The following DENND5A variants were observed in gnomAD, a reference collection of about 807,000 sequenced individuals.
DENND5A encodes DENN domain containing 5A, also known as DENN domain-containing protein 5A.
Under a neutral mutation model 140.3 loss-of-function variants are expected in DENND5A, and 64 were observed. The observed-to-expected ratio is 0.46, with a 90% confidence interval of 0.37 to 0.56. The LOEUF (loss-of-function observed/expected upper bound fraction) is 0.56. Ranked by LOEUF, DENND5A falls within the 20% of genes least tolerant of loss-of-function variation. The probability of loss-of-function intolerance (pLI) is 0.00; values close to 1 mark genes in which losing one functional copy is unlikely to be tolerated. For missense variants in DENND5A, 1,292 were observed against 1,593.8 expected (o/e 0.81, Z 3.22); for synonymous variants, 605 against 607.7 (o/e 1.00, Z 0.07).
intron 19 of DENND5A, 61 bp downstream of exon 19, chr11:9,144,036 C>G (rs1847335225): frequency 3.2e-6 from 5 of 1,543,700 alleles, no homozygotes; most frequent in East Asian, 2.3e-5. Flanking sequence ...TCAGGGCTCA[C>G]AGAGATCCAC....
At chr11:9,143,585 A>G (rs1847321880) in intron 19 of DENND5A, 100 bp from the exon 20 acceptor site, 3 of 972,844 alleles carry the variant, frequency 3.1e-6, no homozygotes, top group South Asian at 1.3e-5. Context: ...CCCATAGGAG[A>G]GGCAGGGCAG....
rs541636657 is a variant in DENND5A at position 9,264,919 on chromosome 11, C to T, written c.109+42G>A. 938 of 1,483,886 alleles carry T rather than the reference C, an allele frequency of 6.3e-4. 2 individuals are homozygous for T. Among genetic ancestry groups the T allele is most frequent in the South Asian group, 1.2e-3 (96 of 82,918 alleles). 91.9% of individuals were successfully genotyped at this position (1,483,886 alleles called of 1,614,324 possible). A position where few individuals can be genotyped will look rare whatever the true frequency, so the allele number is the denominator to read the frequency against. On this transcript the variant is annotated intron_variant, in intron 1 of 22. Transcript: ENST00000328194. ...AGGTTTCTTCTGGGGTCCCCGACGA[C>T]AGCGGGCGCGGGAAAGCGCCCCGGG...
At chr11:9,263,269 CA>C (rs1403169835) in intron 1 of DENND5A, among the ~76,000 whole-genome samples, 38 of 151,738 alleles carry the variant, frequency 2.5e-4, no homozygotes, top group Non-Finnish European at 4.6e-4. Context: ...GTGGCGCAAT[CA>C]CCCAGACTGG....
At chr11:9,181,638 TG>T (rs778733282) in intron 5 of DENND5A, among the ~76,000 whole-genome samples, 1 of 152,046 alleles carries the variant, frequency 6.6e-6, no homozygotes, top group Non-Finnish European at 1.5e-5. Context: ...CTTGAGAGGC[TG>T]AGGTAGGAGG....
At chr11:9,208,755 C>A (rs1849773605) in intron 1 of DENND5A, among the ~76,000 whole-genome samples, 1 of 152,214 alleles carries the variant, frequency 6.6e-6, no homozygotes, top group Non-Finnish European at 1.5e-5. Flanking sequence ...ATCCTTCTTC[C>A]AAACAAATTC....
intron 1 of DENND5A, among the ~76,000 whole-genome samples, chr11:9,211,045 G>C (rs992991978): frequency 4.6e-5 from 7 of 152,274 alleles, no homozygotes; most frequent in Admixed American, 2.6e-4. Flanking sequence ...TTCTCAAGTA[G>C]GGAAGAAGGT....
chr11:9,225,383 C>G (rs529504056), intron 1 of DENND5A, among the ~76,000 whole-genome samples: 3 of 152,176 alleles, frequency 2.0e-5, no homozygotes, highest in Non-Finnish European at 4.4e-5. Flanking sequence ...CAGTATTCCC[C>G]GTTCTATCCA....
At chr11:9,251,332 GA>G (rs1851711686) in intron 1 of DENND5A, among the ~76,000 whole-genome samples, 1 of 151,808 alleles carries the variant, frequency 6.6e-6, no homozygotes, top group African/African-American at 2.4e-5. Context: ...ATTTTAACCT[GA>G]CTTACCCATC....
rs1160896598 is a variant in DENND5A, at chr11:9,179,077, C to A, written c.1456-4G>T. 1.0e-5 allele frequency: 16 copies of A among 1,605,800 alleles called. No individual in the cohort carries two copies. Among genetic ancestry groups the A allele is most frequent in the Middle Eastern group, 3.3e-4 (2 of 6,008 alleles). On this transcript the variant is annotated splice_polypyrimidine_tract_variant and splice_region_variant and intron_variant, in intron 6 of 22. Coordinates refer to ENST00000328194, the MANE Select transcript of DENND5A (RefSeq NM_015213.4). Reference sequence around the variant, plus strand: ...TGGGGTCTTCACGCACTTCCAACTACAAAAAAAGAAAAAGCAGTTGAGAAC... The same window carrying A: ...TGGGGTCTTCACGCACTTCCAACTAAAAAAAAAGAAAAAGCAGTTGAGAAC...
chr11:9,235,831 G>T (rs1850977395), intron 1 of DENND5A, among the ~76,000 whole-genome samples: 1 of 152,148 alleles, frequency 6.6e-6, no homozygotes, highest in African/African-American at 2.4e-5. Context: ...AAGGAAATGA[G>T]AAGTAACTGT....
chr11:9,160,721 C>T lies in DENND5A; in HGVS notation c.2428G>A (p.Val810Met). The T allele has an allele frequency of 6.2e-7, 1 of 1,612,286 alleles. No homozygotes were observed. Among genetic ancestry groups the T allele is most frequent in the East Asian group, 2.2e-5 (1 of 44,866 alleles). The change falls in exon 12 of 23, where the codon GTG (valine) becomes ATG (methionine). Residue 810 changes from valine to methionine, a missense_variant. Val to Met is a conservative substitution (Grantham distance 21). This residue lies in a region of DENND5A where 498 missense variants were observed against 689.7 expected (regional missense o/e 0.72). Coordinates refer to ENST00000328194, the MANE Select transcript of DENND5A (RefSeq NM_015213.4). ...GGCAAGACATACATTACCTGTTTCA[C>T]TTGTAGTCCATGACTCCAGATCCTT... The part of the protein sequence containing the change: ...LERIWSHGLQ[V>M]KQGKSALWSH...
chr11:9,238,359 G>GTGTA (rs1554932864), intron 1 of DENND5A, among the ~76,000 whole-genome samples: 2,935 of 150,164 alleles, frequency 0.02, 119 homozygotes, highest in African/African-American at 0.068. Context: ...GTGTGTGTGT[G>GTGTA]TATATATATA....
chr11:9,259,651 A>G (rs1852105265), intron 1 of DENND5A, among the ~76,000 whole-genome samples: 1 of 152,052 alleles, frequency 6.6e-6, no homozygotes, highest in Non-Finnish European at 1.5e-5. Context: ...CCCAAGCATC[A>G]TCCTGCCTCA....
intron 4 of DENND5A, among the ~76,000 whole-genome samples, chr11:9,200,475 G>A (rs114432177): frequency 2.0e-3 from 303 of 152,288 alleles, no homozygotes; most frequent in African/African-American, 7.1e-3. Context: ...TTTTTGTTTG[G>A]CCTGCAGTGT....
intron 1 of DENND5A, among the ~76,000 whole-genome samples, chr11:9,264,436 T>G (rs1385802794): frequency 6.6e-6 from 1 of 152,096 alleles, no homozygotes; most frequent in Non-Finnish European, 1.5e-5. Flanking sequence ...ACTTTATTAC[T>G]TCATATCCCA....
chr11:9,250,208 CT>C (rs1182493858), intron 1 of DENND5A, among the ~76,000 whole-genome samples: 6 of 151,326 alleles, frequency 4.0e-5, no homozygotes, highest in Non-Finnish European at 7.4e-5. Context: ...AGATGCAAAT[CT>C]TTTTTTTCCT....
intron 5 of DENND5A, among the ~76,000 whole-genome samples, chr11:9,185,702 G>T (rs1214055736): frequency 6.6e-6 from 1 of 152,100 alleles, no homozygotes; most frequent in African/African-American, 2.4e-5. Context: ...TTGTATATTT[G>T]TGTATCTGTG....
At chr11:9,194,115 T>C (rs1295764969) in intron 4 of DENND5A, among the ~76,000 whole-genome samples, 1 of 152,184 alleles carries the variant, frequency 6.6e-6, no homozygotes, top group Non-Finnish European at 1.5e-5. Context: ...GAACATCCTA[T>C]AAGGAGCTTA....
intron 1 of DENND5A, among the ~76,000 whole-genome samples, chr11:9,259,586 A>G (rs1181340966): frequency 6.6e-6 from 1 of 151,786 alleles, no homozygotes; most frequent in Non-Finnish European, 1.5e-5. Flanking sequence ...AAACAAACAA[A>G]CAACAAAAAA....
Sources: allele counts gnomAD v4.1 joint callset (sites outside exome capture counted in the v4.1 genomes callset), GRCh38; gene constraint gnomAD v4.1.1; regional missense constraint gnomAD v4.1.1; transcripts MANE v1.5; gene names NCBI Gene and HGNC (gene_info 2026-07-23, HGNC 2026-07-21).